Variants in ADAM9 observed in about 807,000 individuals in gnomAD.
ADAM9 encodes the protein ADAM metallopeptidase domain 9, also known as disintegrin and metalloproteinase domain-containing protein 9.
A neutral mutation model predicts 108.1 loss-of-function variants in ADAM9; 54 were observed. That is an observed-to-expected ratio of 0.50 (90% CI 0.40 to 0.63). The LOEUF is 0.63. ADAM9 is among the 20% of genes least tolerant of loss of function. The pLI, the probability that ADAM9 is intolerant of heterozygous loss-of-function variation, is 0.00. For synonymous variants in ADAM9, 316 were observed against 336.0 expected (o/e 0.94, Z 0.65); for missense variants, 830 against 997.7 (o/e 0.83, Z 2.26).
At chr8:39,045,674 A>G (rs908457172) in intron 12 of ADAM9, among the ~76,000 whole-genome samples, 1 of 152,012 alleles carries the variant, frequency 6.6e-6, no homozygotes, top group African/African-American at 2.4e-5. Flanking sequence ...TGCAATGAGC[A>G]TATGAGTGCA....
chr8:39,026,834 C>T (rs1564264618), intron 11 of ADAM9, 24 bp downstream of exon 11: 1 of 1,337,768 alleles, frequency 7.5e-7, no homozygotes, highest in Admixed American at 1.8e-5. Context: ...TTCTTCTTCT[C>T]CTTTATTTGG....
intron 11 of ADAM9, among the ~76,000 whole-genome samples, chr8:39,037,484 G>T (rs1837322914): frequency 1.4e-5 from 2 of 144,382 alleles, no homozygotes; most frequent in Admixed American, 6.8e-5. Context: ...TGGAGACAGG[G>T]TCTCTGGAGA....
At chr8:39,045,570 G>GTATATATATATATATA (rs146208883) in intron 12 of ADAM9, among the ~76,000 whole-genome samples, 2 of 95,194 alleles carry the variant, frequency 2.1e-5, no homozygotes, top group African/African-American at 6.5e-5. Flanking sequence ...GTGTGTGTGT[G>GTATATATATATATATA]TATATATATA....
At position 39,098,406 on chromosome 8, in the gene ADAM9, A is replaced by G. The variant is rs553731993; in HGVS notation, c.2299-3457A>G. On this transcript the variant is annotated intron_variant, in intron 20 of 21. Transcript: ENST00000487273. ...CTTTCATGCATTTCTTGCATGTTAG[A>G]CTTTTTACTATCTCTGTTTCTTAAC... Among the ~76,000 whole-genome samples the G allele has an allele frequency of 1.9e-4, 29 of 152,258 alleles. No individual in the cohort carries two copies. In the South Asian group the frequency reaches 6.0e-3, roughly 32 times the overall value.
intron 15 of ADAM9, among the ~76,000 whole-genome samples, chr8:39,074,865 A>G (rs1838803754): frequency 6.9e-6 from 1 of 144,680 alleles, no homozygotes; most frequent in African/African-American, 2.6e-5. Context: ...TGTCTCTATC[A>G]TCCGAATTTT....
intron 14 of ADAM9, among the ~76,000 whole-genome samples, chr8:39,065,755 CT>C (rs1367547200): frequency 6.9e-6 from 1 of 144,032 alleles, no homozygotes; most frequent in African/African-American, 2.6e-5. Flanking sequence ...TAATTTTTTT[CT>C]TTTTTTTAAA....
At chr8:39,097,350 A>G (rs1243778014) in intron 20 of ADAM9, among the ~76,000 whole-genome samples, 1 of 149,422 alleles carries the variant, frequency 6.7e-6, no homozygotes, top group Non-Finnish European at 1.5e-5. Context: ...TCGGTTGCCC[A>G]GGCTGGAGTG....
At chr8:39,024,321 T>TA (rs1836852506) in intron 9 of ADAM9, among the ~76,000 whole-genome samples, 1 of 152,164 alleles carries the variant, frequency 6.6e-6, no homozygotes, top group Non-Finnish European at 1.5e-5. Flanking sequence ...GTTCACAAAA[T>TA]ACCATAAGGA....
At chr8:39,040,360 T>C (rs965093708) in intron 11 of ADAM9, among the ~76,000 whole-genome samples, 10 of 152,250 alleles carry the variant, frequency 6.6e-5, no homozygotes, top group Admixed American at 6.5e-5. Flanking sequence ...TTATCTCTTT[T>C]TGATGGTAGT....
chr8:39,092,760 T>C (rs1255297762), intron 20 of ADAM9, among the ~76,000 whole-genome samples: 1 of 152,226 alleles, frequency 6.6e-6, no homozygotes, highest in African/African-American at 2.4e-5. Context: ...GTTTAAATCT[T>C]TAATCCAGTT....
At chr8:39,004,612 G>T (rs1434015866) in intron 1 of ADAM9, among the ~76,000 whole-genome samples, 1 of 152,196 alleles carries the variant, frequency 6.6e-6, no homozygotes, top group Non-Finnish European at 1.5e-5. Context: ...TAAAAGAATG[G>T]CTACTCCACG....
intron 7 of ADAM9, 125 bp from the exon 8 acceptor site, chr8:39,021,518 A>G (rs2129433778): frequency 1.2e-6 from 1 of 802,320 alleles, no homozygotes; most frequent in South Asian, 1.4e-5. Context: ...TCCTGACCTC[A>G]GGTGATCTAC....
At chr8:38,999,619 T>A (rs997740593) in intron 1 of ADAM9, among the ~76,000 whole-genome samples, 1 of 152,318 alleles carries the variant, frequency 6.6e-6, no homozygotes, top group African/African-American at 2.4e-5. Context: ...GATAGGAGAA[T>A]GTAGCCTTTT....
chr8:39,066,920 A>ATT (rs1374549345), intron 14 of ADAM9, among the ~76,000 whole-genome samples: 9 of 152,188 alleles, frequency 5.9e-5, no homozygotes, highest in Middle Eastern at 3.2e-3. Context: ...TCTTGAATTA[A>ATT]TTTTTGTATA....
At chr8:39,089,204 G>A (rs1401492760) in intron 18 of ADAM9, among the ~76,000 whole-genome samples, 2 of 152,054 alleles carry the variant, frequency 1.3e-5, no homozygotes, top group African/African-American at 2.4e-5. Context: ...AGTGGAGATC[G>A]TGCCATTGCA....
intron 9 of ADAM9, among the ~76,000 whole-genome samples, chr8:39,025,092 C>CT (rs149554016): frequency 0.044 from 6,542 of 148,974 alleles, 471 homozygotes; most frequent in African/African-American, 0.15. Context: ...ATCCTGAATT[C>CT]TTTTTTTTTT....
At chr8:39,055,835 A>T (rs554110839) in intron 14 of ADAM9, 63 bp downstream of exon 14, 8 of 1,488,124 alleles carry the variant, frequency 5.4e-6, no homozygotes, top group African/African-American at 4.2e-5. Context: ...TAGATATTTT[A>T]AAAAAGGTAA....
chr8:39,024,720 T>C (rs1340314257), intron 9 of ADAM9, among the ~76,000 whole-genome samples: 1 of 152,162 alleles, frequency 6.6e-6, no homozygotes, highest in Non-Finnish European at 1.5e-5. Flanking sequence ...TGGCAAAAAT[T>C]CCTGCTCTCA....
chr8:39,083,113 G>A, intron 18 of ADAM9, 40 bp downstream of exon 18: 3 of 1,537,480 alleles, frequency 2.0e-6, no homozygotes, highest in Non-Finnish European at 2.7e-6. Flanking sequence ...TCTCCCAGTG[G>A]CCCAAGGCAT....
Sources: allele counts gnomAD v4.1 joint callset (sites outside exome capture counted in the v4.1 genomes callset), GRCh38; gene constraint gnomAD v4.1.1; transcripts MANE v1.5; gene names NCBI Gene and HGNC (gene_info 2026-07-23, HGNC 2026-07-21).